The following ESR1 variants were observed in gnomAD, a reference collection of about 807,000 sequenced individuals.
The protein encoded by ESR1 is estrogen receptor.
ESR1 carries 12 observed loss-of-function variants against 52.7 expected under a neutral mutation model. That is an observed-to-expected ratio of 0.23 (90% CI 0.15 to 0.37). The LOEUF is 0.37. Ranked by LOEUF, ESR1 falls within the 10% of genes least tolerant of loss-of-function variation. ESR1 has a pLI of 1.00. For missense variants in ESR1, 584 were observed against 779.7 expected (o/e 0.75, Z 2.99); for synonymous variants, 305 against 316.8 (o/e 0.96, Z 0.39).
intron 1 of ESR1, 24 bp downstream of exon 1, chr6:151,808,388 CG>C (rs1778213808): frequency 3.9e-6 from 2 of 512,824 alleles, no homozygotes; most frequent in East Asian, 8.7e-5. Context: ...CGCCGCCCGT[CG>C]GGGTGGCCGC....
intron 6 of ESR1, among the ~76,000 whole-genome samples, chr6:152,093,996 T>G (rs766128152): frequency 2.0e-5 from 3 of 152,164 alleles, no homozygotes; most frequent in Non-Finnish European, 4.4e-5. Flanking sequence ...CCTTTTTGTT[T>G]CTTGATGTGA....
chr6:151,779,058 A>C (rs989534497), intron 2 of ESR1, among the ~76,000 whole-genome samples: 1 of 152,030 alleles, frequency 6.6e-6, no homozygotes, highest in Non-Finnish European at 1.5e-5. Context: ...GTTCACTCTG[A>C]TGATAGTTTC....
rs1178999989 is a variant in ESR1, at chr6:151,956,886, T to A, written c.1096+12378T>A. 3.5e-4 allele frequency among the ~76,000 whole-genome samples: 51 copies of A among 143,768 alleles called. 1 individual carries two copies. Among genetic ancestry groups the A allele is most frequent in the Non-Finnish European group, 1.2e-4 (8 of 66,304 alleles). 94.3% of individuals were successfully genotyped at this position (143,768 alleles called of 152,430 possible). The stretch of plus-strand genomic sequence containing the variant: ...TAAATATATATATATATATAAAATT[T>A]TTTTTTTTGAGATGGAGTCTCACTC... On this transcript the variant is annotated intron_variant, in intron 4 of 7. Coordinates refer to ENST00000206249, the MANE Select transcript of ESR1 (RefSeq NM_000125.4).
At chr6:152,077,518 C>T (rs2048840069) in intron 6 of ESR1, among the ~76,000 whole-genome samples, 1 of 152,192 alleles carries the variant, frequency 6.6e-6, no homozygotes, top group Non-Finnish European at 1.5e-5. Context: ...ATAGTAGATC[C>T]ACTGACAGCT....
chr6:151,778,533 G>A (rs1053851578), intron 2 of ESR1, among the ~76,000 whole-genome samples: 1 of 151,796 alleles, frequency 6.6e-6, no homozygotes, highest in African/African-American at 2.4e-5. Flanking sequence ...AGCCTCCCCA[G>A]TAGCTGGGAT....
chr6:152,031,946 T>C (rs2128868418), intron 5 of ESR1, among the ~76,000 whole-genome samples: 1 of 152,284 alleles, frequency 6.6e-6, no homozygotes, highest in South Asian at 2.1e-4. Context: ...TCCACCATGG[T>C]CAAGTGGGCT....
intron 2 of ESR1, among the ~76,000 whole-genome samples, chr6:151,782,619 C>T (rs935026803): frequency 3.9e-5 from 6 of 151,966 alleles, no homozygotes; most frequent in Non-Finnish European, 7.4e-5. Context: ...GAAATGTGTG[C>T]ACCTATTTAA....
intron 3 of ESR1, among the ~76,000 whole-genome samples, chr6:151,901,298 A>G (rs544777019): frequency 2.0e-4 from 31 of 152,336 alleles, no homozygotes; most frequent in African/African-American, 7.2e-4. Context: ...GTGCCCTACC[A>G]ACAGCATCAA....
intron 1 of ESR1, among the ~76,000 whole-genome samples, chr6:151,678,201 A>G (rs746855982): frequency 1.3e-5 from 2 of 152,198 alleles, no homozygotes; most frequent in Non-Finnish European, 2.9e-5. Context: ...GACTGGGCAC[A>G]GTGGCTCATG....
chr6:151,846,213 A>G (rs994430333), intron 2 of ESR1, among the ~76,000 whole-genome samples: 4 of 152,236 alleles, frequency 2.6e-5, no homozygotes, highest in Non-Finnish European at 4.4e-5. Flanking sequence ...TATGCGTAAT[A>G]TTTAACAAAA....
upstream of ESR1, among the ~76,000 whole-genome samples, chr6:151,803,449 T>C (rs770582329): frequency 5.9e-5 from 9 of 152,222 alleles, no homozygotes; most frequent in Non-Finnish European, 1.2e-4. Context: ...AGTATTAAAA[T>C]TTTGCTTGGC....
chr6:151,660,580 A>C (rs1582830522), intron 1 of ESR1, among the ~76,000 whole-genome samples: 1 of 152,344 alleles, frequency 6.6e-6, no homozygotes, highest in East Asian at 1.9e-4. Flanking sequence ...CAGCCATTAA[A>C]ATTTGAAACA....
chr6:151,934,810 G>A (rs115111174), intron 3 of ESR1, among the ~76,000 whole-genome samples: 313 of 152,280 alleles, frequency 2.1e-3, no homozygotes, highest in African/African-American at 7.1e-3. Context: ...AATAAGAAAC[G>A]TTATAGCTGA....
upstream of ESR1, among the ~76,000 whole-genome samples, chr6:151,686,315 T>C (rs1778672692): frequency 6.6e-6 from 1 of 152,124 alleles, no homozygotes. Context: ...GGTCATATTA[T>C]GGCTCCGTTG....
intron 6 of ESR1, among the ~76,000 whole-genome samples, chr6:152,111,780 C>A (rs1393412108): frequency 1.3e-5 from 2 of 152,078 alleles, no homozygotes; most frequent in East Asian, 3.9e-4. Context: ...GGTCTCAGTG[C>A]CTTGAGGACG....
At chr6:151,878,983 T>C (rs1792325766) in intron 2 of ESR1, among the ~76,000 whole-genome samples, 1 of 152,112 alleles carries the variant, frequency 6.6e-6, no homozygotes, top group Non-Finnish European at 1.5e-5. Flanking sequence ...GTTGGGAGCG[T>C]ACATTCTGAG....
intron 2 of ESR1, among the ~76,000 whole-genome samples, chr6:151,863,670 C>T (rs2128292401): frequency 6.6e-6 from 1 of 152,220 alleles, no homozygotes; most frequent in South Asian, 2.1e-4. Context: ...TCCAGAACTT[C>T]CAACACTATG....
intron 7 of ESR1, among the ~76,000 whole-genome samples, chr6:152,096,326 C>T (rs144371860): frequency 2.0e-5 from 3 of 152,226 alleles, no homozygotes; most frequent in Non-Finnish European, 2.9e-5. Flanking sequence ...AGGTTGGATT[C>T]GATCATTTTT....
chr6:151,683,694 C>T (rs967375098), intron 1 of ESR1, among the ~76,000 whole-genome samples: 1 of 151,280 alleles, frequency 6.6e-6, no homozygotes, highest in Non-Finnish European at 1.5e-5. Context: ...GGTTGTCATA[C>T]ATTTTTTTTT....
Sources: gnomAD v4.1 joint callset for allele counts (sites outside exome capture counted in the v4.1 genomes callset) on GRCh38, gnomAD v4.1.1 for gene constraint, MANE v1.5 for transcripts, NCBI Gene and HGNC (gene_info 2026-07-23, HGNC 2026-07-21) for gene names.